Variants in UTRN observed in about 807,000 individuals in gnomAD.
The protein encoded by UTRN is dystrophin-related protein 1.
Under a neutral mutation model 463.9 loss-of-function variants are expected in UTRN, and 283 were observed. The observed-to-expected ratio is 0.61, with a 90% CI of 0.55 to 0.67. The LOEUF is 0.67. Ranked by LOEUF, UTRN falls within the 30% of genes least tolerant of loss-of-function variation. The pLI is 0.00. For synonymous variants in UTRN, 1,442 were observed against 1,431.5 expected (o/e 1.01, Z -0.17); for missense variants, 3,922 against 4,084.3 (o/e 0.96, Z 1.08).
At chr6:144,498,583 A>T (rs1793878741) in intron 33 of UTRN, among the ~76,000 whole-genome samples, 1 of 152,138 alleles carries the variant, frequency 6.6e-6, no homozygotes, top group Non-Finnish European at 1.5e-5. Flanking sequence ...GTTCAAAATT[A>T]TAATAGATAC....
chr6:144,637,657 A>T (rs952827331), intron 51 of UTRN, among the ~76,000 whole-genome samples: 9 of 151,956 alleles, frequency 5.9e-5, no homozygotes, highest in African/African-American at 2.2e-4. Context: ...AAAAAAAAGA[A>T]ATGGTGTTTT....
At chr6:144,842,702 T>C (rs1194666412) in intron 73 of UTRN, among the ~76,000 whole-genome samples, 2 of 152,210 alleles carry the variant, frequency 1.3e-5, no homozygotes, top group African/African-American at 2.4e-5. Flanking sequence ...AATATATCTA[T>C]TTGTGTTTTG....
chr6:144,731,308 A>G (rs1236319218), intron 54 of UTRN, among the ~76,000 whole-genome samples: 1 of 152,206 alleles, frequency 6.6e-6, no homozygotes. Flanking sequence ...AAAATGTGTA[A>G]TGAATTCTGG....
intron 51 of UTRN, among the ~76,000 whole-genome samples, chr6:144,641,523 C>T (rs1449093548): frequency 6.6e-6 from 1 of 152,128 alleles, no homozygotes; most frequent in Non-Finnish European, 1.5e-5. Flanking sequence ...TGTTGACCCC[C>T]TCTTCCATCT....
At chr6:144,344,327 C>T in intron 2 of UTRN, 4 of 1,304,050 alleles carry the variant, frequency 3.1e-6, no homozygotes, top group Non-Finnish European at 3.0e-6. Context: ...ACTTGCACGA[C>T]TCCCAGCCAG....
chr6:144,604,135 A>C (rs1321609198), intron 51 of UTRN, among the ~76,000 whole-genome samples: 1 of 152,220 alleles, frequency 6.6e-6, no homozygotes, highest in African/African-American at 2.4e-5. Flanking sequence ...AGGCAGTAGA[A>C]ACAGTAAGTC....
intron 2 of UTRN, among the ~76,000 whole-genome samples, chr6:144,402,795 G>T (rs1783040567): frequency 1.3e-5 from 2 of 152,164 alleles, no homozygotes; most frequent in Admixed American, 1.3e-4. Flanking sequence ...AGCAGAAAGT[G>T]CTACGGGTAC....
intron 52 of UTRN, among the ~76,000 whole-genome samples, chr6:144,692,482 T>C (rs1033888760): frequency 1.3e-5 from 2 of 152,112 alleles, no homozygotes; most frequent in African/African-American, 4.8e-5. Context: ...GTCTTCTCAA[T>C]AGATGAACTA....
At chr6:144,726,092 A>G (rs780360434) in intron 53 of UTRN, among the ~76,000 whole-genome samples, 1 of 152,096 alleles carries the variant, frequency 6.6e-6, no homozygotes, top group Non-Finnish European at 1.5e-5. Flanking sequence ...AATACAATCT[A>G]AGACTCAGAC....
chr6:144,537,277 G>A (rs571906663), intron 43 of UTRN, among the ~76,000 whole-genome samples: 2 of 151,986 alleles, frequency 1.3e-5, no homozygotes, highest in East Asian at 1.9e-4. Context: ...TTGCGGAGTG[G>A]TATCTAACTG....
At chr6:144,599,221 T>C (rs922552582) in intron 51 of UTRN, among the ~76,000 whole-genome samples, 1 of 152,188 alleles carries the variant, frequency 6.6e-6, no homozygotes, top group Non-Finnish European at 1.5e-5. Flanking sequence ...CCTGATTTAG[T>C]ACAGGTGTAT....
intron 2 of UTRN, among the ~76,000 whole-genome samples, chr6:144,296,696 C>T (rs1330804538): frequency 1.3e-5 from 2 of 152,202 alleles, no homozygotes; most frequent in African/African-American, 2.4e-5. Flanking sequence ...CTCGGTGACT[C>T]TTCTTCATTT....
intron 58 of UTRN, among the ~76,000 whole-genome samples, chr6:144,767,437 A>T (rs1793482388): frequency 1.3e-5 from 2 of 152,190 alleles, no homozygotes. Context: ...AACCTTAATT[A>T]TGCAAATATA....
chr6:144,296,435 C>G (rs1562715496), intron 2 of UTRN, among the ~76,000 whole-genome samples: 1 of 152,194 alleles, frequency 6.6e-6, no homozygotes, highest in African/African-American at 2.4e-5. Flanking sequence ...GTCCCTGGTG[C>G]CAAAAAGGCT....
At chr6:144,602,741 C>T (rs1187862069) in intron 51 of UTRN, among the ~76,000 whole-genome samples, 8 of 152,188 alleles carry the variant, frequency 5.3e-5, no homozygotes, top group African/African-American at 1.4e-4. Flanking sequence ...ACTTTCAGTG[C>T]AGACTCCATA....
chr6:144,804,936 T>G (rs951857062), intron 65 of UTRN, among the ~76,000 whole-genome samples: 1 of 152,156 alleles, frequency 6.6e-6, no homozygotes, highest in Non-Finnish European at 1.5e-5. Context: ...GTCTGGAGTT[T>G]GTTTTTCAGG....
chr6:144,816,492 A>G (rs1779088843), intron 65 of UTRN, among the ~76,000 whole-genome samples: 2 of 151,644 alleles, frequency 1.3e-5, no homozygotes, highest in Admixed American at 6.6e-5. Flanking sequence ...TTGTGTATAT[A>G]TTTTGTTTTA....
intron 52 of UTRN, among the ~76,000 whole-genome samples, chr6:144,695,901 A>T (rs1441431234): frequency 6.6e-6 from 1 of 152,176 alleles, no homozygotes; most frequent in East Asian, 1.9e-4. Context: ...TTAATTTGAG[A>T]TTGTCTTAAT....
At chr6:144,739,233 T>C (rs1285343147) in intron 54 of UTRN, among the ~76,000 whole-genome samples, 2 of 152,190 alleles carry the variant, frequency 1.3e-5, no homozygotes, top group African/African-American at 4.8e-5. Flanking sequence ...CTCATATATT[T>C]TGTGATACAA....
Sources: allele counts gnomAD v4.1 joint callset (sites outside exome capture counted in the v4.1 genomes callset), GRCh38; gene constraint gnomAD v4.1.1; transcripts MANE v1.5; gene names NCBI Gene and HGNC (gene_info 2026-07-23, HGNC 2026-07-21).